Variants in BLTP3A observed in about 807,000 individuals in gnomAD.
The protein encoded by BLTP3A is bridge-like lipid transfer protein family member 3A.
At chr6:34,851,352 C>G in the BLTP3A span, among the ~76,000 whole-genome samples, 1 of 152,188 alleles carries the variant, frequency 6.6e-6, no homozygotes. Context: ...GCAGCTGTAT[C>G]TGCATCAAGG....
At chr6:34,849,060 G>A in the BLTP3A span, among the ~76,000 whole-genome samples, 10,468 of 150,338 alleles carry the variant, frequency 0.07, 567 homozygotes, top group East Asian at 0.33. Flanking sequence ...GTGAAGTGGC[G>A]TGATCTCAGC....
chr6:34,859,887 C>T, the BLTP3A span, among the ~76,000 whole-genome samples: 1 of 152,104 alleles, frequency 6.6e-6, no homozygotes, highest in Non-Finnish European at 1.5e-5. Context: ...GGATTATAGA[C>T]ACCTGCCACT....
At chr6:34,803,516 A>G in the BLTP3A span, among the ~76,000 whole-genome samples, 1 of 152,124 alleles carries the variant, frequency 6.6e-6, no homozygotes, top group Admixed American at 6.6e-5. Context: ...TCTTTAGGAT[A>G]TAAGATTTCA....
At chr6:34,865,416 A>G in the BLTP3A span, among the ~76,000 whole-genome samples, 1 of 152,238 alleles carries the variant, frequency 6.6e-6, no homozygotes, top group African/African-American at 2.4e-5. Flanking sequence ...GTGTGTTTGT[A>G]CCACATTTTC....
the BLTP3A span, chr6:34,871,696 A>T: frequency 6.2e-7 from 1 of 1,614,180 alleles, no homozygotes; most frequent in Non-Finnish European, 8.5e-7. Context: ...ATAGGCGGTG[A>T]GTCAGGCTTG....
the BLTP3A span, among the ~76,000 whole-genome samples, chr6:34,848,155 A>C: frequency 6.7e-6 from 1 of 148,828 alleles, no homozygotes; most frequent in Middle Eastern, 3.4e-3. Flanking sequence ...TCCTGGACTC[A>C]AGGGATCTGC....
At chr6:34,796,421 C>T in the BLTP3A span, among the ~76,000 whole-genome samples, 73 of 152,250 alleles carry the variant, frequency 4.8e-4, 1 homozygote, top group African/African-American at 1.7e-3. Flanking sequence ...AATATAAATG[C>T]CTTTTAAAGG....
the BLTP3A span, among the ~76,000 whole-genome samples, chr6:34,827,299 G>A: frequency 6.7e-6 from 1 of 150,222 alleles, no homozygotes; most frequent in African/African-American, 2.5e-5. Context: ...GACAGAGTGA[G>A]ACTCTGTTTC....
At chr6:34,813,053 A>G in the BLTP3A span, among the ~76,000 whole-genome samples, 2 of 152,250 alleles carry the variant, frequency 1.3e-5, no homozygotes, top group Admixed American at 6.5e-5. Flanking sequence ...AAAATGGTGA[A>G]GGAAGCAAAG....
the BLTP3A span, among the ~76,000 whole-genome samples, chr6:34,815,151 G>A: frequency 6.6e-6 from 1 of 152,216 alleles, no homozygotes; most frequent in African/African-American, 2.4e-5. Context: ...CTGGTGCAAA[G>A]TAAAATGTCA....
chr6:34,841,331 AGT>A, the BLTP3A span, among the ~76,000 whole-genome samples: 6 of 152,010 alleles, frequency 3.9e-5, no homozygotes, highest in African/African-American at 1.5e-4. Context: ...AGCCTCCCAA[AGT>A]GTTGGGATTA....
the BLTP3A span, chr6:34,858,837 C>T: frequency 1.3e-4 from 206 of 1,614,174 alleles, no homozygotes; most frequent in African/African-American, 2.1e-3. Flanking sequence ...CCCATGTCCG[C>T]GTGAGGCTTG....
the BLTP3A span, among the ~76,000 whole-genome samples, chr6:34,830,530 T>C: frequency 2.7e-5 from 4 of 150,874 alleles, no homozygotes; most frequent in East Asian, 7.9e-4. Context: ...GCAGATGTTG[T>C]AGTGAGCCGA....
the BLTP3A span, among the ~76,000 whole-genome samples, chr6:34,794,263 A>G: frequency 1.3e-5 from 2 of 152,166 alleles, no homozygotes; most frequent in African/African-American, 4.8e-5. Context: ...TGATGTGTTG[A>G]TTTCACATTG....
the BLTP3A span, chr6:34,834,928 A>G: frequency 6.4e-7 from 1 of 1,566,936 alleles, no homozygotes; most frequent in Non-Finnish European, 8.6e-7. Flanking sequence ...TGGATTTGGT[A>G]TTCCCTTATT....
chr6:34,858,233 G>A, the BLTP3A span: 1 of 1,614,184 alleles, frequency 6.2e-7, no homozygotes, highest in South Asian at 1.1e-5. Flanking sequence ...GCTCCACATT[G>A]TAGTTGTTCA....
chr6:34,794,820 C>CT, the BLTP3A span, among the ~76,000 whole-genome samples: 1 of 151,174 alleles, frequency 6.6e-6, no homozygotes, highest in Admixed American at 6.6e-5. Context: ...GAGTCTCACT[C>CT]TGTCACCAGG....
chr6:34,820,143 C>G, the BLTP3A span, among the ~76,000 whole-genome samples: 1 of 151,988 alleles, frequency 6.6e-6, no homozygotes, highest in Admixed American at 6.6e-5. Flanking sequence ...GTAGCTCCCT[C>G]TTCTGTTATT....
the BLTP3A span, chr6:34,874,959 T>C: frequency 1.0e-4 from 16 of 152,658 alleles, no homozygotes; most frequent in African/African-American, 3.4e-4. Context: ...ATAGACTCTA[T>C]CCTGCAAAGA....
Sources: allele counts gnomAD v4.1 joint callset (sites outside exome capture counted in the v4.1 genomes callset), GRCh38; gene constraint gnomAD v4.1.1; transcripts MANE v1.5; gene names NCBI Gene and HGNC (gene_info 2026-07-23, HGNC 2026-07-21).